Variants in FNDC3A observed in about 807,000 individuals in gnomAD.
The protein encoded by FNDC3A is fibronectin type-III domain-containing protein 3A.
A neutral mutation model predicts 148.9 loss-of-function variants in FNDC3A; 32 were observed. The ratio of observed to expected loss-of-function variants is 0.21; its 90% CI spans 0.16 to 0.29. The LOEUF is 0.29. Ranked by LOEUF, FNDC3A falls within the 10% of genes least tolerant of loss-of-function variation. The pLI is 1.00. For synonymous variants in FNDC3A, 472 were observed against 473.6 expected (o/e 1.00, Z 0.04); for missense variants, 1,191 against 1,452.8 (o/e 0.82, Z 2.93).
intron 2 of FNDC3A, among the ~76,000 whole-genome samples, chr13:49,047,873 A>G (rs1236475235): frequency 1.3e-5 from 2 of 152,082 alleles, no homozygotes; most frequent in Non-Finnish European, 2.9e-5. Context: ...TGCTTAAGCC[A>G]ATGTCTAGAA....
intron 5 of FNDC3A, among the ~76,000 whole-genome samples, chr13:49,135,374 T>C (rs1157766073): frequency 6.6e-6 from 1 of 152,202 alleles, no homozygotes; most frequent in African/African-American, 2.4e-5. Flanking sequence ...AATCTAATTT[T>C]TTCTTTGATT....
chr13:49,119,096 A>G lies in FNDC3A; in HGVS notation c.252+4365A>G, dbSNP rs149991421. Among the ~76,000 whole-genome samples, 31 of 152,288 alleles carry G rather than the reference A, an allele frequency of 2.0e-4. No individual in the cohort carries two copies. The East Asian group carries it at 6.0e-3, about 29-fold the overall frequency. ...CCAGCAGGGTCGACAGACACCTCAT[A>G]CAGGAGAGCTCCAGCTGGCATCTGG... On this transcript the variant is annotated intron_variant, in intron 4 of 25. Transcript: ENST00000492622.
At chr13:49,145,003 G>A (rs192249465) in intron 7 of FNDC3A, among the ~76,000 whole-genome samples, 59 of 152,182 alleles carry the variant, frequency 3.9e-4, no homozygotes, top group Non-Finnish European at 6.6e-4. Flanking sequence ...CATCATTTAG[G>A]TAGTCAGTGC....
chr13:49,162,172 A>C (rs1884174934), intron 8 of FNDC3A, among the ~76,000 whole-genome samples: 2 of 152,144 alleles, frequency 1.3e-5, no homozygotes, highest in Non-Finnish European at 2.9e-5. Context: ...AGGTTGGGGA[A>C]GTTCTCCTGG....
intron 8 of FNDC3A, among the ~76,000 whole-genome samples, chr13:49,165,495 G>T (rs1464903217): frequency 1.3e-5 from 2 of 152,202 alleles, no homozygotes; most frequent in Non-Finnish European, 2.9e-5. Context: ...AGTGGAGGCT[G>T]TAGTGAAGTT....
chr13:49,075,239 T>G, intron 2 of FNDC3A, 50 bp from the exon 3 acceptor site: 1 of 1,093,820 alleles, frequency 9.1e-7, no homozygotes, highest in Non-Finnish European at 1.4e-6. Flanking sequence ...TTTTATATTC[T>G]GATTTGCTTT....
In FNDC3A at chr13:49,013,622, G is replaced by T. The variant is rs148505529; in HGVS notation, c.99+7333G>T. Among the ~76,000 whole-genome samples, 9 of 150,654 alleles carry T rather than the reference G, an allele frequency of 6.0e-5. No homozygotes were observed. The East Asian group carries it at 1.8e-3, about 30-fold the overall frequency. ...TGTACACGTGTATACATGTGTACAC[G>T]TGTATACATGTATACATGTACATGT... On this transcript the variant is annotated intron_variant, in intron 2 of 25. Transcript: ENST00000492622.
chr13:49,015,395 C>CT lies in FNDC3A; in HGVS notation c.99+9107dup, dbSNP rs769577726. ...GGGAGTTCACTCATGATTTGGCTCT[C>CT]TGTTTGTCTGTTGTTGGTGTATAAG... On this transcript the variant is annotated intron_variant, in intron 2 of 25. Transcript: ENST00000492622. 2.6e-4 allele frequency among the ~76,000 whole-genome samples: 39 copies of CT among 152,256 alleles called. No individual in the cohort carries two copies. In the East Asian group the frequency reaches 5.8e-3, roughly 23 times the overall value.
At position 49,073,481 on chromosome 13, in the gene FNDC3A, A is replaced by C. The variant is rs1434516111; in HGVS notation, c.100-1808A>C. On this transcript the variant is annotated intron_variant, in intron 2 of 25. Transcript: ENST00000492622. ...ACTTTCTGAGCACCAACATGATGCC[A>C]CAAGTGGAGAATTCCACACCCAACC... Among the ~76,000 whole-genome samples, 3 of 151,888 alleles carry C rather than the reference A, an allele frequency of 2.0e-5. No homozygotes were observed. In the East Asian group the frequency reaches 5.8e-4, roughly 29 times the overall value.
intron 4 of FNDC3A, among the ~76,000 whole-genome samples, chr13:49,126,487 T>G (rs1022214206): frequency 6.6e-6 from 1 of 152,210 alleles, no homozygotes; most frequent in Non-Finnish European, 1.5e-5. Flanking sequence ...TCTTTGTATT[T>G]TAAATGTTCT....
chr13:49,069,055 A>C (rs1473394281), intron 2 of FNDC3A, among the ~76,000 whole-genome samples: 1 of 152,176 alleles, frequency 6.6e-6, no homozygotes, highest in Non-Finnish European at 1.5e-5. Context: ...GTGAACCTAA[A>C]ATAAAAGTTA....
upstream of FNDC3A, chr13:48,975,592 A>C (rs750397718): frequency 2.6e-5 from 4 of 152,164 alleles, no homozygotes; most frequent in Non-Finnish European, 4.4e-5. Flanking sequence ...ATGTGGATTG[A>C]GAATTGTGTG....
intron 2 of FNDC3A, among the ~76,000 whole-genome samples, chr13:49,073,579 T>A (rs1277740742): frequency 1.3e-5 from 2 of 151,546 alleles, no homozygotes; most frequent in African/African-American, 4.8e-5. Flanking sequence ...ACCTTCATGC[T>A]GTGTGTATAA....
rs554476353 is a variant in FNDC3A at position 49,003,762 on chromosome 13, CA to C, written c.-39-2381del. 4.6e-5 allele frequency among the ~76,000 whole-genome samples: 7 copies of C among 150,598 alleles called. No homozygotes were observed. The East Asian group carries it at 9.7e-4, about 21-fold the overall frequency. On this transcript the variant is annotated intron_variant, in intron 1 of 25. Coordinates refer to ENST00000492622, the MANE Select transcript of FNDC3A (RefSeq NM_001079673.2). ...ACACTAATTAAAATATTAGACCTAC[CA>C]AAAAAAAAGTTGCAAGAATAGTACA...
chr13:49,002,302 T>C (rs1952141151), intron 1 of FNDC3A, among the ~76,000 whole-genome samples: 1 of 152,222 alleles, frequency 6.6e-6, no homozygotes, highest in Non-Finnish European at 1.5e-5. Flanking sequence ...AGGTTTTTCA[T>C]ATATAGCCTT....
intron 1 of FNDC3A, among the ~76,000 whole-genome samples, chr13:48,998,215 G>A (rs1952058997): frequency 6.6e-6 from 1 of 152,146 alleles, no homozygotes; most frequent in Non-Finnish European, 1.5e-5. Flanking sequence ...GTTAAATTGG[G>A]TGTTTAGGTA....
chr13:49,198,056 T>G lies in FNDC3A; in HGVS notation c.2565T>G (p.Ile855Met), dbSNP rs1330707020. The G allele has an allele frequency of 1.2e-6, 2 of 1,614,078 alleles. No individual in the cohort carries two copies. The highest frequency in any genetic ancestry group is 2.7e-5 in the African/African-American group (2 of 74,942). ...ACVTPPSVPG[I>M]VTCLQEISDD... ...TGACTCCACCATCAGTTCCTGGCATTGTGACCTGTCTTCAAGAAATAAGCG... is the reference window on the plus strand; with the variant it reads ...TGACTCCACCATCAGTTCCTGGCATGGTGACCTGTCTTCAAGAAATAAGCG... Residue 855 changes from isoleucine (I) to methionine (M), a missense_variant, in exon 22 of 26, where the codon ATT (isoleucine) becomes ATG (methionine). By Grantham distance (10) the Ile-to-Met change is conservative. Transcript: ENST00000492622.
At chr13:49,178,979 G>A (rs1885170617) in intron 14 of FNDC3A, among the ~76,000 whole-genome samples, 1 of 152,014 alleles carries the variant, frequency 6.6e-6, no homozygotes, top group African/African-American at 2.4e-5. Context: ...TTCCTGCCTC[G>A]GCCTCCCAGA....
chr13:49,192,986 T>C (rs947710411), intron 19 of FNDC3A, among the ~76,000 whole-genome samples: 1 of 152,186 alleles, frequency 6.6e-6, no homozygotes, highest in Non-Finnish European at 1.5e-5. Flanking sequence ...TCGACATGAA[T>C]TAACCTTGTT....
Sources: gnomAD v4.1 joint callset for allele counts (sites outside exome capture counted in the v4.1 genomes callset) on GRCh38, gnomAD v4.1.1 for gene constraint, MANE v1.5 for transcripts, NCBI Gene and HGNC (gene_info 2026-07-23, HGNC 2026-07-21) for gene names.